Variants in TMC8 observed in about 807,000 individuals in gnomAD.
TMC8 encodes the protein transmembrane channel-like protein 8.
A neutral mutation model predicts 76.0 loss-of-function variants in TMC8; 71 were observed. The ratio of observed to expected loss-of-function variants is 0.93; its 90% CI spans 0.77 to 1.14. The LOEUF is 1.14. TMC8 is among the 50% of genes most tolerant of loss of function. TMC8 has a pLI of 0.00. For synonymous variants in TMC8, 433 were observed against 433.8 expected (o/e 1.00, Z 0.02); for missense variants, 924 against 947.9 (o/e 0.97, Z 0.33).
intron 8 of TMC8, 147 bp downstream of exon 8, chr17:78,134,711 T>C (rs898472794): frequency 3.3e-6 from 5 of 1,505,816 alleles, no homozygotes; most frequent in Non-Finnish European, 4.5e-6. Context: ...GGGCTCCCAC[T>C]GGATATTCCC....
rs748151582 is a variant in TMC8, at chr17:78,138,700, C to T, written c.1791C>T (p.His597=). 84 of 1,611,742 alleles carry T rather than the reference C, an allele frequency of 5.2e-5. No individual in the cohort carries two copies. The highest frequency in any genetic ancestry group is 3.3e-5 in the South Asian group (3 of 91,088). Residue 597 remains histidine (H), a synonymous_variant, in exon 14 of 16, where the codon CAC becomes CAT. Coordinates refer to ENST00000318430, the MANE Select transcript of TMC8 (RefSeq NM_152468.5). ...GQRALHYLGS[H]AFSFPLLIML... is the part of the protein sequence containing the mutation. ...GTGCCCTCCACTACCTGGGCTCCCA[C>T]GCCTTCAGCTTCCCCCTCCTCATCA...
In TMC8 at chr17:78,140,836, G is replaced by A. The variant is rs766290289; in HGVS notation, c.1905G>A (p.Gln635=). ...IHRLRKQLVW[Q]VQEKWHLVED... is the part of the protein sequence containing the mutation. ...CTCGCCACTTGTTCTCCTCACAGCA[G>A]GTTCAGGAGAAGTGGCACCTGGTGG... Residue 635 remains glutamine (Q), a splice_region_variant and synonymous_variant, in exon 16 of 16, where the codon CAG becomes CAA. Coordinates refer to ENST00000318430, the MANE Select transcript of TMC8 (RefSeq NM_152468.5). 4 of 1,607,566 alleles carry A rather than the reference G, an allele frequency of 2.5e-6. No homozygotes were observed. Among genetic ancestry groups the A allele is most frequent in the Non-Finnish European group, 3.4e-6 (4 of 1,177,866 alleles).
chr17:78,134,325 GT>G, intron 7 of TMC8, 68 bp from the exon 8 acceptor site: 1 of 1,563,078 alleles, frequency 6.4e-7, no homozygotes, highest in Non-Finnish European at 8.7e-7. Flanking sequence ...GTGTGAGAGC[GT>G]TTCCTGCACC....
In TMC8 at chr17:78,131,643, G is replaced by A. The variant is rs2074971381; in HGVS notation, c.55G>A (p.Glu19Lys). 1.3e-6 allele frequency: 2 copies of A among 1,558,740 alleles called. No individual in the cohort carries two copies. The highest frequency in any genetic ancestry group is 2.7e-5 in the African/African-American group (2 of 73,720). Residue 19 changes from glutamate (E) to lysine (K), a missense_variant, in exon 2 of 16, where the codon GAG becomes AAG. Coordinates refer to ENST00000318430, the MANE Select transcript of TMC8 (RefSeq NM_152468.5). ...GCGGGCCCCTGGGGTGCCGGAGCCG[G>A]AGGAGCTGTGGGAGGCAGAGATGGA... is the stretch of plus-strand genomic sequence containing the variant. Reference protein sequence around the residue: ...SERAPGVPEPEELWEAEMERL... With the variant: ...SERAPGVPEPKELWEAEMERL...
chr17:78,135,906 C>A (rs995138490), intron 9 of TMC8, among the ~76,000 whole-genome samples: 4 of 151,974 alleles, frequency 2.6e-5, no homozygotes, highest in Non-Finnish European at 1.5e-5. Context: ...ACACAAAAAT[C>A]AGCCAGGTGT....
At chr17:78,139,471 C>T (rs747841871) in intron 15 of TMC8, among the ~76,000 whole-genome samples, 1 of 152,186 alleles carries the variant, frequency 6.6e-6, no homozygotes, top group Non-Finnish European at 1.5e-5. Flanking sequence ...GGGCCTTTGC[C>T]TGTAATCCCA....
chr17:78,138,484 G>A lies in TMC8; in HGVS notation c.1664+5G>A. 1 of 1,613,526 alleles carries A rather than the reference G, an allele frequency of 6.2e-7. No individual in the cohort carries two copies. The highest frequency in any genetic ancestry group is 1.1e-5 in the South Asian group (1 of 91,092). Reference sequence around the variant, plus strand: ...CCTGGGCTATGTGGTCAGCAGGTGAGGGGAAGAGGAGGGGGGCACCCAGAG... The same window carrying A: ...CCTGGGCTATGTGGTCAGCAGGTGAAGGGAAGAGGAGGGGGGCACCCAGAG... On this transcript the variant is annotated splice_donor_5th_base_variant and intron_variant, in intron 13 of 15. Coordinates refer to ENST00000318430, the MANE Select transcript of TMC8 (RefSeq NM_152468.5).
intron 14 of TMC8, 39 bp downstream of exon 14, chr17:78,138,771 G>A (rs1349845341): frequency 1.3e-6 from 2 of 1,599,908 alleles, no homozygotes; most frequent in African/African-American, 1.3e-5. Flanking sequence ...GGGACACCTG[G>A]AGGGGGAGGT....
At chr17:78,132,574 G>A in intron 4 of TMC8, 66 bp downstream of exon 4, 1 of 1,565,982 alleles carries the variant, frequency 6.4e-7, no homozygotes, top group Non-Finnish European at 8.6e-7. Flanking sequence ...GGCTGGCCCA[G>A]GGCCCAGAGC....
At position 78,141,089 on chromosome 17, in the gene TMC8, T is replaced by C. The variant is rs2075364899; in HGVS notation, c.2158T>C (p.Phe720Leu). The change falls in exon 16 of 16, where the codon TTC (phenylalanine) becomes CTC (leucine). Residue 720 changes from phenylalanine (F) to leucine (L), a missense_variant. Transcript: ENST00000318430. ...GAPASARRFR[F>L]PSGAEL is the part of the protein sequence containing the mutation. The stretch of plus-strand genomic sequence containing the variant: ...CCCGGCCTCCGCCCGCAGATTCCGC[T>C]TCCCCAGCGGCGCGGAGCTGTAACC... 6.3e-7 allele frequency: 1 copy of C among 1,581,536 alleles called. No homozygotes were observed. Among genetic ancestry groups the C allele is most frequent in the East Asian group, 2.3e-5 (1 of 44,426 alleles).
chr17:78,138,665 A>G lies in TMC8; in HGVS notation c.1756A>G (p.Ile586Val). ...GCTGGTGGCCCTTGGGCTCCCGCCC[A>G]TTGGCCAGCGTGCCCTCCACTACCT... ...PELVALGLPP[I>V]GQRALHYLGS... is the part of the protein sequence containing the mutation. Residue 586 changes from isoleucine (I) to valine (V), a missense_variant, in exon 14 of 16, where the codon ATT becomes GTT. Transcript: ENST00000318430. The G allele has an allele frequency of 1.9e-6, 3 of 1,613,674 alleles. No homozygotes were observed. Among genetic ancestry groups the G allele is most frequent in the Non-Finnish European group, 1.7e-6 (2 of 1,180,012 alleles).
Position 78,131,369 on chromosome 17 carries a change from T to G in TMC8, c.-220T>G, listed in dbSNP as rs2074959521. 4.7e-6 allele frequency: 3 copies of G among 637,488 alleles called. No homozygotes were observed. Among genetic ancestry groups the G allele is most frequent in the Non-Finnish European group, 5.4e-6 (2 of 370,276 alleles). The allele number at this position is 637,488 out of a possible 1,614,324, so 39.5% of individuals were successfully genotyped here. ...TCGACCGCAGCAGGATTCTCTCTCA[T>G]TTCTGAGCCCCGGAGGTGGCAGAGC... On this transcript the variant is annotated 5_prime_UTR_variant, in exon 2 of 16. Transcript: ENST00000318430.
Position 78,138,750 on chromosome 17 carries a change from G to A in TMC8, c.1823+18G>A. On this transcript the variant is annotated intron_variant, in intron 14 of 15. Transcript: ENST00000318430. Reference sequence around the variant, plus strand: ...ATGCTCAGGTTCTCAGGGCAGCCGGGGCCATGGGAGGGGACACCTGGAGGG... The same window carrying A: ...ATGCTCAGGTTCTCAGGGCAGCCGGAGCCATGGGAGGGGACACCTGGAGGG... 6.2e-7 allele frequency: 1 copy of A among 1,602,486 alleles called. No individual in the cohort carries two copies. The highest frequency in any genetic ancestry group is 8.5e-7 in the Non-Finnish European group (1 of 1,179,792).
intron 9 of TMC8, 49 bp downstream of exon 9, chr17:78,135,058 T>C (rs1477533579): frequency 1.2e-6 from 2 of 1,611,842 alleles, no homozygotes; most frequent in Admixed American, 3.3e-5. Context: ...CAAGTCTGCA[T>C]CCTGCTGCTC....
rs764033782 is a variant in TMC8 at position 78,134,538 on chromosome 17, A to G, written c.961A>G (p.Thr321Ala). ...VGAISAIFWA[T>A]KYSQDNKEES... ...GGCCATCAGCGCCATCTTCTGGGCTACCAAGTACTCACAGGACAACAAGGA... is the reference window on the plus strand; with the variant it reads ...GGCCATCAGCGCCATCTTCTGGGCTGCCAAGTACTCACAGGACAACAAGGA... Residue 321 changes from threonine to alanine, a missense_variant, in exon 8 of 16, where the codon ACC becomes GCC. Coordinates refer to ENST00000318430, the MANE Select transcript of TMC8 (RefSeq NM_152468.5). 10 of 1,614,012 alleles carry G rather than the reference A, an allele frequency of 6.2e-6. No homozygotes were observed. The African/African-American group carries it at 9.3e-5, about 15-fold the overall frequency.
chr17:78,136,604 G>A (rs2075237734), intron 9 of TMC8: 1 of 174,076 alleles, frequency 5.7e-6, no homozygotes, highest in African/African-American at 2.4e-5. Context: ...GTGTCAGTGG[G>A]CTTCAATGTC....
At position 78,137,372 on chromosome 17, in the gene TMC8, C is replaced by T. The variant is rs369834364; in HGVS notation, c.1251+14C>T. The T allele has an allele frequency of 2.2e-5, 36 of 1,613,596 alleles. No individual in the cohort carries two copies. The highest frequency in any genetic ancestry group is 1.6e-4 in the Middle Eastern group (1 of 6,082). On this transcript the variant is annotated intron_variant, in intron 10 of 15. Coordinates refer to ENST00000318430, the MANE Select transcript of TMC8 (RefSeq NM_152468.5). ...TGTGACTATCAGGTGGCTGGCAGCC[C>T]GGCGGGGCCTGTCCCTCCCTTCCTT...
rs146043414 is a variant in TMC8 at position 78,140,909 on chromosome 17, G to A, written c.1978G>A (p.Gly660Ser). 1.9e-6 allele frequency: 3 copies of A among 1,606,970 alleles called. No homozygotes were observed. The African/African-American group carries it at 4.0e-5, about 21-fold the overall frequency. Residue 660 changes from glycine (G) to serine (S), a missense_variant, in exon 16 of 16, where the codon GGC becomes AGC. Coordinates refer to ENST00000318430, the MANE Select transcript of TMC8 (RefSeq NM_152468.5). ...GGAGCCAGGCCCGAGCGACTCTCCG[G>A]GCCCCAAGTACCCTGCCTCCCAAGC... ...LPEPGPSDSPGPKYPASQASR... is the reference protein window; with the variant it reads ...LPEPGPSDSPSPKYPASQASR...
chr17:78,133,351 A>G (rs2075095719), intron 5 of TMC8, 55 bp from the exon 6 acceptor site: 1 of 1,612,808 alleles, frequency 6.2e-7, no homozygotes. Context: ...TATGGAAAGC[A>G]CTTGAGCAGA....
Sources: gnomAD v4.1 joint callset for allele counts (sites outside exome capture counted in the v4.1 genomes callset) on GRCh38, gnomAD v4.1.1 for gene constraint, MANE v1.5 for transcripts, NCBI Gene and HGNC (gene_info 2026-07-23, HGNC 2026-07-21) for gene names.